Variants in CDKN2B-AS1 observed in about 807,000 individuals in gnomAD.
CDKN2B-AS1 encodes CDKN2B antisense RNA 1 (non-protein coding).
At chr9:22,072,131 G>A (rs1327554341) in intron 4 of CDKN2B-AS1, among the ~76,000 whole-genome samples, 2 of 152,186 alleles carry the variant, frequency 1.3e-5, no homozygotes, top group African/African-American at 4.8e-5. Flanking sequence ...CAGGCCTTGA[G>A]AAGATCTGTA....
chr9:22,103,656 A>G (rs905105768), intron 4 of CDKN2B-AS1, among the ~76,000 whole-genome samples: 1 of 152,266 alleles, frequency 6.6e-6, no homozygotes. Flanking sequence ...AGTTATAAAA[A>G]GCATAGAGCC....
At chr9:22,076,247 T>C (rs1824486945) in intron 4 of CDKN2B-AS1, among the ~76,000 whole-genome samples, 1 of 152,098 alleles carries the variant, frequency 6.6e-6, no homozygotes, top group African/African-American at 2.4e-5. Flanking sequence ...AGAGACAGGG[T>C]TTCACCATGT....
At chr9:21,998,653 AATTTTC>A (rs1820791358) in intron 1 of CDKN2B-AS1, among the ~76,000 whole-genome samples, 1 of 152,162 alleles carries the variant, frequency 6.6e-6, no homozygotes, top group African/African-American at 2.4e-5. Context: ...AGGGGTAAAT[AATTTTC>A]TGTTTTAGAT....
intron 4 of CDKN2B-AS1, among the ~76,000 whole-genome samples, chr9:22,083,954 T>G (rs1363171726): frequency 6.6e-6 from 1 of 152,220 alleles, no homozygotes; most frequent in East Asian, 1.9e-4. Flanking sequence ...CCCTCAATAA[T>G]TAATCACTTT....
At chr9:22,020,597 T>C (rs113885553) in intron 1 of CDKN2B-AS1, among the ~76,000 whole-genome samples, 214 of 152,316 alleles carry the variant, frequency 1.4e-3, no homozygotes, top group African/African-American at 5.1e-3. Flanking sequence ...TAGTATCTCA[T>C]TGTGGTTTTG....
rs1821678795 is a variant in CDKN2B-AS1 at position 22,015,035 on chromosome 9, G to A, written n.29+19874G>A. Among the ~76,000 whole-genome samples the A allele has an allele frequency of 2.0e-5, 3 of 152,034 alleles. No individual in the cohort carries two copies. The South Asian group carries it at 6.2e-4, about 32-fold the overall frequency. On this transcript the variant is annotated intron_variant and non_coding_transcript_variant, in intron 1 of 4. Coordinates refer to ENST00000650946, the Ensembl canonical transcript of CDKN2B-AS1. ...TGTTGGACATTTGGGTTGGTTCCAA[G>A]TCTTTGCTATTGTGAATAGTGCCGC... is the stretch of plus-strand genomic sequence containing the variant.
intron 1 of CDKN2B-AS1, among the ~76,000 whole-genome samples, chr9:22,042,583 T>C (rs1231697096): frequency 6.6e-6 from 1 of 152,108 alleles, no homozygotes; most frequent in Admixed American, 6.6e-5. Context: ...GACTCTACCT[T>C]GCCCCATGGC....
At chr9:22,007,875 C>A (rs1412646760) in intron 1 of CDKN2B-AS1, among the ~76,000 whole-genome samples, 2 of 151,964 alleles carry the variant, frequency 1.3e-5, no homozygotes, top group African/African-American at 4.8e-5. Flanking sequence ...ATTTGTTATA[C>A]CATTATTCTA....
At chr9:22,014,681 C>A (rs915691137) in intron 1 of CDKN2B-AS1, among the ~76,000 whole-genome samples, 1 of 151,814 alleles carries the variant, frequency 6.6e-6, no homozygotes, top group Non-Finnish European at 1.5e-5. Flanking sequence ...CATAGGTATA[C>A]ATGTGCCATG....
chr9:22,113,629 G>C (rs1339406975), intron 4 of CDKN2B-AS1: 3 of 152,130 alleles, frequency 2.0e-5, no homozygotes, highest in Admixed American at 1.3e-4. Flanking sequence ...ATTTGCAAAA[G>C]TGAGTTTTAA....
intron 4 of CDKN2B-AS1, chr9:22,118,891 T>C (rs1587553459): frequency 6.6e-6 from 1 of 152,180 alleles, no homozygotes. Flanking sequence ...GATTGTTAAA[T>C]GGATGGGGAG....
intron 1 of CDKN2B-AS1, among the ~76,000 whole-genome samples, chr9:22,038,181 A>G (rs543309295): frequency 8.0e-4 from 121 of 152,116 alleles, no homozygotes; most frequent in African/African-American, 2.7e-3. Context: ...ACACTACAAC[A>G]GACATAAAAT....
intron 4 of CDKN2B-AS1, among the ~76,000 whole-genome samples, chr9:22,074,294 A>G (rs1247872115): frequency 1.3e-5 from 2 of 152,160 alleles, no homozygotes; most frequent in Non-Finnish European, 2.9e-5. Context: ...GTAGTCCCAA[A>G]TAAGAAAGAG....
chr9:22,106,272 A>C (rs6475609), intron 4 of CDKN2B-AS1, among the ~76,000 whole-genome samples: 1 of 151,926 alleles, frequency 6.6e-6, no homozygotes, highest in Non-Finnish European at 1.5e-5. Flanking sequence ...TAGTAAAGAT[A>C]GGGTTTCAGC....
intron 4 of CDKN2B-AS1, among the ~76,000 whole-genome samples, chr9:22,106,072 G>A (rs1825649397): frequency 6.6e-6 from 1 of 151,838 alleles, no homozygotes; most frequent in Non-Finnish European, 1.5e-5. Context: ...CACCACATCT[G>A]GATAATTTTT....
intron 4 of CDKN2B-AS1, among the ~76,000 whole-genome samples, chr9:22,106,239 T>C (rs191481029): frequency 6.6e-6 from 1 of 152,228 alleles, no homozygotes; most frequent in Admixed American, 6.5e-5. Context: ...CACGCCACCA[T>C]GCCAGGTTAA....
chr9:22,100,389 A>G (rs1480453831), intron 4 of CDKN2B-AS1, among the ~76,000 whole-genome samples: 6 of 152,192 alleles, frequency 3.9e-5, no homozygotes, highest in Non-Finnish European at 2.9e-5. Flanking sequence ...TGGATGTTTC[A>G]TACAAATGGA....
chr9:22,098,472 T>G (rs1404351544), intron 4 of CDKN2B-AS1, among the ~76,000 whole-genome samples: 1 of 151,920 alleles, frequency 6.6e-6, no homozygotes, highest in South Asian at 2.1e-4. Flanking sequence ...ATGTATCACC[T>G]TTATAAAAAT....
At position 22,005,435 on chromosome 9, in the gene CDKN2B-AS1, GC is replaced by G; in HGVS notation, n.29+10276del. The G allele has an allele frequency of 4.1e-6, 1 of 245,766 alleles. No individual in the cohort carries two copies. The highest frequency in any genetic ancestry group is 8.0e-6 in the Non-Finnish European group (1 of 125,514). The allele number at this position is 245,766 out of a possible 1,614,324, so 15.2% of individuals were successfully genotyped here. On this transcript the variant is annotated intron_variant and non_coding_transcript_variant, in intron 1 of 4. Transcript: ENST00000650946. This position sits in a 1 kb window ranked among gnomAD's most constrained non-coding sequence, Gnocchi z 4.9. ...ACTTGCCATGCGCTCAAACTAAAGC[GC>G]CGCCGGGGACTTACTGAAGCCCACC...
Sources: allele counts gnomAD v4.1 joint callset (sites outside exome capture counted in the v4.1 genomes callset), GRCh38; gene constraint gnomAD v4.1.1; non-coding constraint Gnocchi (gnomAD v3.1); transcripts MANE v1.5; gene names NCBI Gene and HGNC (gene_info 2026-07-23, HGNC 2026-07-21).